The following CACNA1H variants were observed in gnomAD, a reference collection of about 807,000 sequenced individuals.
CACNA1H encodes the protein voltage-dependent T-type calcium channel subunit alpha-1H.
In CACNA1H, 149 loss-of-function variants were observed where a neutral mutation model predicts 192.5. The ratio of observed to expected loss-of-function variants is 0.77; its 90% CI spans 0.68 to 0.89. The LOEUF is 0.89. Ranked by LOEUF, CACNA1H falls within the 40% of genes least tolerant of loss-of-function variation. The probability of loss-of-function intolerance (pLI) is 0.00; values close to 1 mark genes in which losing one functional copy is unlikely to be tolerated. For synonymous variants in CACNA1H, 2,202 were observed against 1,475.2 expected (o/e 1.49, Z -11.29); for missense variants, 4,257 against 3,423.5 (o/e 1.24, Z -6.08).
intron 5 of CACNA1H, 55 bp from the exon 6 acceptor site, chr16:1,198,560 C>G: frequency 1.9e-6 from 3 of 1,596,998 alleles, no homozygotes; most frequent in Non-Finnish European, 1.7e-6. Flanking sequence ...GGCTGCAGCC[C>G]CGAGGACACT....
intron 23 of CACNA1H, 46 bp downstream of exon 23, chr16:1,211,652 T>C: frequency 1.9e-6 from 3 of 1,609,892 alleles, no homozygotes; most frequent in African/African-American, 1.3e-5. Flanking sequence ...CAGGACACCC[T>C]GGAGCGAGAG....
At chr16:1,188,136 C>T (rs1207870933) in intron 2 of CACNA1H, among the ~76,000 whole-genome samples, 2 of 152,230 alleles carry the variant, frequency 1.3e-5, no homozygotes, top group East Asian at 1.9e-4. Flanking sequence ...GGCTCTTGCC[C>T]CATGGCCCTG....
chr16:1,212,197 C>T, intron 25 of CACNA1H, 59 bp downstream of exon 25: 1 of 1,524,918 alleles, frequency 6.6e-7, no homozygotes, highest in East Asian at 2.4e-5. Context: ...CCCACCGGGC[C>T]CTCCAGCCCC....
chr16:1,195,418 G>C lies in CACNA1H; in HGVS notation c.412-14G>C. 1.9e-6 allele frequency: 3 copies of C among 1,551,096 alleles called. No homozygotes were observed. The South Asian group carries it at 3.6e-5, about 18-fold the overall frequency. Reference sequence around the variant, plus strand: ...GAGCTGTTCCACGGGCCCTCCTGATGCCTCCTCCCGCAGGCCTTTGACGCC... The same window carrying C: ...GAGCTGTTCCACGGGCCCTCCTGATCCCTCCTCCCGCAGGCCTTTGACGCC... On this transcript the variant is annotated splice_polypyrimidine_tract_variant and intron_variant, in intron 3 of 34. Coordinates refer to ENST00000348261, the MANE Select transcript of CACNA1H (RefSeq NM_021098.3).
At chr16:1,162,647 G>GT (rs1963336422) in intron 2 of CACNA1H, among the ~76,000 whole-genome samples, 2 of 151,728 alleles carry the variant, frequency 1.3e-5, no homozygotes, top group African/African-American at 4.8e-5. Context: ...AGTGGGGGGG[G>GT]GGGGTCCATC....
chr16:1,155,157 C>T (rs554877561), intron 2 of CACNA1H, among the ~76,000 whole-genome samples: 9 of 152,382 alleles, frequency 5.9e-5, no homozygotes, highest in South Asian at 4.1e-4. Context: ...CCGTGTTTCT[C>T]CTTTCTCAAA....
chr16:1,164,587 T>A (rs1215997038), intron 2 of CACNA1H, among the ~76,000 whole-genome samples: 4 of 152,226 alleles, frequency 2.6e-5, no homozygotes, highest in Non-Finnish European at 5.9e-5. Context: ...CAGGGGCGAT[T>A]TGGACCCCGG....
At position 1,212,126 on chromosome 16, in the gene CACNA1H, A is replaced by G; in HGVS notation, c.4747A>G (p.Arg1583Gly). Reference sequence around the variant, plus strand: ...GGAGAAGCGGCTGCGGCGCCTAGAGAGGAGGCGCAGGAGTAAGGCGCTCCC... The same window carrying G: ...GGAGAAGCGGCTGCGGCGCCTAGAGGGGAGGCGCAGGAGTAAGGCGCTCCC... ...REEKRLRRLE[R>G]RRRSTFPSPE... Residue 1583 changes from arginine (R) to glycine (G), a missense_variant, in exon 25 of 35, where the codon AGG (arginine) becomes GGG (glycine). Coordinates refer to ENST00000348261, the MANE Select transcript of CACNA1H (RefSeq NM_021098.3). 1 of 1,605,836 alleles carries G rather than the reference A, an allele frequency of 6.2e-7. No individual in the cohort carries two copies. Among genetic ancestry groups the G allele is most frequent in the Non-Finnish European group, 8.5e-7 (1 of 1,179,196 alleles).
At chr16:1,153,699 G>C (rs1961886116) in intron 1 of CACNA1H, 21 bp from the exon 2 acceptor site, 4 of 1,186,240 alleles carry the variant, frequency 3.4e-6, no homozygotes, top group Non-Finnish European at 3.1e-6. Flanking sequence ...CCGGCCCCGG[G>C]TCACCCCCTG....
chr16:1,206,141 T>C lies in CACNA1H; in HGVS notation c.2641T>C (p.Ser881Pro). The C allele has an allele frequency of 1.3e-6, 2 of 1,586,748 alleles. No homozygotes were observed. Among genetic ancestry groups the C allele is most frequent in the South Asian group, 1.2e-5 (1 of 86,516 alleles). The change falls in exon 12 of 35, where the codon TCT (serine) becomes CCT (proline). Residue 881 changes from serine (S) to proline (P), a missense_variant. Ser to Pro is a moderately conservative substitution (Grantham distance 74). Transcript: ENST00000348261. Reference sequence around the variant, plus strand: ...CGTGGGGCAGGCGGACGGTGGCTTGTCTGTGCTGCGCACCTTCCGGCTGCT... The same window carrying C: ...CGTGGGGCAGGCGGACGGTGGCTTGCCTGTGCTGCGCACCTTCCGGCTGCT... The part of the protein sequence containing the change: ...EIVGQADGGL[S>P]VLRTFRLLRV...
At chr16:1,174,753 G>A (rs968856909) in intron 2 of CACNA1H, among the ~76,000 whole-genome samples, 5 of 152,326 alleles carry the variant, frequency 3.3e-5, no homozygotes, top group Middle Eastern at 3.4e-3. Context: ...CAAGAATTCC[G>A]ATCTGACTTA....
intron 3 of CACNA1H, 64 bp downstream of exon 3, chr16:1,195,147 G>C: frequency 8.8e-7 from 1 of 1,132,804 alleles, no homozygotes; most frequent in Non-Finnish European, 1.3e-6. Flanking sequence ...GGTTCAAGGC[G>C]GAGTGGGGCG....
chr16:1,212,944 T>A (rs751786753), intron 26 of CACNA1H, among the ~76,000 whole-genome samples: 13 of 152,204 alleles, frequency 8.5e-5, no homozygotes, highest in Non-Finnish European at 1.0e-4. Context: ...ATCCTGCTCT[T>A]CCAGGCCCTG....
intron 2 of CACNA1H, among the ~76,000 whole-genome samples, chr16:1,188,399 C>T (rs1350512071): frequency 1.3e-5 from 2 of 152,180 alleles, no homozygotes; most frequent in East Asian, 1.9e-4. Flanking sequence ...CCTCAGGGCT[C>T]AGTCGGCACT....
intron 13 of CACNA1H, 55 bp from the exon 14 acceptor site, chr16:1,207,220 C>T: frequency 6.4e-7 from 1 of 1,560,614 alleles, no homozygotes; most frequent in Non-Finnish European, 8.7e-7. Context: ...GCCCCAAGGA[C>T]TTGCCGGCAT....
chr16:1,184,906 T>A (rs1259970481), intron 2 of CACNA1H, among the ~76,000 whole-genome samples: 3 of 148,954 alleles, frequency 2.0e-5, no homozygotes, highest in African/African-American at 7.7e-5. Context: ...ATTTTTTTTT[T>A]ACTTGTTTAT....
Position 1,220,654 on chromosome 16 carries a change from G to T in CACNA1H, c.6722G>T (p.Gly2241Val). 1 of 1,605,940 alleles carries T rather than the reference G, an allele frequency of 6.2e-7. No homozygotes were observed. The change falls in exon 35 of 35, where the codon GGG becomes GTG. Residue 2241 changes from glycine to valine, a missense_variant. By Grantham distance (109) the Gly-to-Val change is moderately radical. Transcript: ENST00000348261. The stretch of plus-strand genomic sequence containing the variant: ...GAGCCCACAGAGGGCTCAGGCGCCG[G>T]GGGGGACCCTGCAGCCAAGGGGGAG... Reference protein sequence around the residue: ...SLEPTEGSGAGGDPAAKGERW... With the variant: ...SLEPTEGSGAVGDPAAKGERW...
At chr16:1,187,790 G>T (rs1966220096) in intron 2 of CACNA1H, among the ~76,000 whole-genome samples, 1 of 152,218 alleles carries the variant, frequency 6.6e-6, no homozygotes, top group Non-Finnish European at 1.5e-5. Context: ...TCCCCTCCCT[G>T]GTGGTCTGAG....
At position 1,206,198 on chromosome 16, in the gene CACNA1H, G is replaced by T. The variant is rs1336532564; in HGVS notation, c.2698G>T (p.Ala900Ser). 6 of 1,593,612 alleles carry T rather than the reference G, an allele frequency of 3.8e-6. No individual in the cohort carries two copies. Among genetic ancestry groups the T allele is most frequent in the Non-Finnish European group, 5.1e-6 (6 of 1,171,188 alleles). ...GCTGAAGCTGGTGCGCTTTCTGCCA[G>T]CCCTGCGGCGCCAGCTCGTGGTGCT... is the stretch of plus-strand genomic sequence containing the variant. ...RVLKLVRFLP[A>S]LRRQLVVLVK... Residue 900 changes from alanine to serine, a missense_variant, in exon 12 of 35, where the codon GCC becomes TCC. Ala to Ser is a moderately conservative substitution (Grantham distance 99). Coordinates refer to ENST00000348261, the MANE Select transcript of CACNA1H (RefSeq NM_021098.3).
Sources: gnomAD v4.1 joint callset for allele counts (sites outside exome capture counted in the v4.1 genomes callset) on GRCh38, gnomAD v4.1.1 for gene constraint, MANE v1.5 for transcripts, NCBI Gene and HGNC (gene_info 2026-07-23, HGNC 2026-07-21) for gene names.